RBFOX1: variants seen among roughly 807,000 people sequenced by gnomAD.
RBFOX1 encodes the protein RNA binding protein fox-1 homolog 1.
Under a neutral mutation model 57.7 loss-of-function variants are expected in RBFOX1, and 8 were observed. The ratio of observed to expected loss-of-function variants is 0.14; its 90% CI spans 0.08 to 0.25. The LOEUF is 0.25. RBFOX1 is among the 10% of genes least tolerant of loss of function. The probability of loss-of-function intolerance (pLI) is 1.00; values close to 1 mark genes in which losing one functional copy is unlikely to be tolerated. For synonymous variants in RBFOX1, 326 were observed against 222.4 expected (o/e 1.47, Z -4.15); for missense variants, 611 against 548.5 (o/e 1.11, Z -1.14).
At chr16:7,228,437 C>T (rs2093288111) in intron 4 of RBFOX1, among the ~76,000 whole-genome samples, 1 of 152,152 alleles carries the variant, frequency 6.6e-6, no homozygotes, top group Non-Finnish European at 1.5e-5. Flanking sequence ...CTCTCTTAAT[C>T]AGAGTACCTA....
chr16:6,716,098 G>C (rs1216379823), intron 3 of RBFOX1, among the ~76,000 whole-genome samples: 1 of 152,186 alleles, frequency 6.6e-6, no homozygotes, highest in East Asian at 1.9e-4. Flanking sequence ...TGTGTTTTTG[G>C]AATTAGATTG....
At chr16:5,916,896 G>A (rs1254249162) in intron 4 of RBFOX1, among the ~76,000 whole-genome samples, 1 of 152,152 alleles carries the variant, frequency 6.6e-6, no homozygotes, top group Non-Finnish European at 1.5e-5. Context: ...CAATGCCTGG[G>A]TGACTCCTGC....
intron 3 of RBFOX1, among the ~76,000 whole-genome samples, chr16:5,759,648 T>G (rs1472962341): frequency 1.3e-5 from 2 of 152,150 alleles, no homozygotes; most frequent in African/African-American, 4.8e-5. Context: ...AGCAAAGCTC[T>G]CATGCTGATC....
chr16:7,490,305 C>T (rs770940777), intron 4 of RBFOX1, among the ~76,000 whole-genome samples: 1 of 152,220 alleles, frequency 6.6e-6, no homozygotes, highest in Non-Finnish European at 1.5e-5. Context: ...GATCTTGGAG[C>T]TGCTAGCTCT....
intron 4 of RBFOX1, among the ~76,000 whole-genome samples, chr16:5,893,160 C>G (rs189766984): frequency 1.3e-5 from 2 of 152,258 alleles, no homozygotes; most frequent in East Asian, 1.9e-4. Flanking sequence ...AATTACTTAC[C>G]GTGGAATTCA....
chr16:5,390,809 G>A (rs1311900959), intron 1 of RBFOX1, among the ~76,000 whole-genome samples: 1 of 152,102 alleles, frequency 6.6e-6, no homozygotes, highest in African/African-American at 2.4e-5. Context: ...TCTCCTCACT[G>A]GGCTTGAAGG....
chr16:6,033,343 T>C (rs571337285), intron 1 of RBFOX1, among the ~76,000 whole-genome samples: 1 of 152,364 alleles, frequency 6.6e-6, no homozygotes, highest in Non-Finnish European at 1.5e-5. Flanking sequence ...TTTGATTAAA[T>C]GGTACAATAT....
intron 2 of RBFOX1, among the ~76,000 whole-genome samples, chr16:6,403,126 C>A (rs564578959): frequency 1.3e-5 from 2 of 151,730 alleles, no homozygotes; most frequent in African/African-American, 4.8e-5. Flanking sequence ...TGATCTTTCA[C>A]TGTGGGTGCT....
Position 6,863,080 on chromosome 16 carries a change from G to C in RBFOX1, c.-15-188977G>C, listed in dbSNP as rs2059298676. On this transcript the variant is annotated intron_variant, in intron 3 of 15. Coordinates refer to ENST00000550418, the MANE Select transcript of RBFOX1 (RefSeq NM_018723.4). ...GTACATTATTCTATGATGTATGGTG[G>C]AGAACAGTGGAAGGATTTTTACAGA... Among the ~76,000 whole-genome samples the C allele has an allele frequency of 2.6e-5, 4 of 152,096 alleles. No homozygotes were observed. The South Asian group carries it at 8.3e-4, about 32-fold the overall frequency.
chr16:6,108,946 T>A (rs1481518795), intron 1 of RBFOX1, among the ~76,000 whole-genome samples: 1 of 152,190 alleles, frequency 6.6e-6, no homozygotes, highest in Non-Finnish European at 1.5e-5. Flanking sequence ...GATCATTAAT[T>A]GAATCTCATC....
chr16:7,149,249 G>A (rs915543058), intron 4 of RBFOX1, among the ~76,000 whole-genome samples: 1 of 152,062 alleles, frequency 6.6e-6, no homozygotes, highest in African/African-American at 2.4e-5. Flanking sequence ...TGATCTGGTG[G>A]AAGAGAGAGT....
At chr16:7,228,844 G>C (rs932980891) in intron 4 of RBFOX1, among the ~76,000 whole-genome samples, 3 of 152,186 alleles carry the variant, frequency 2.0e-5, no homozygotes, top group African/African-American at 7.2e-5. Flanking sequence ...ACGTTCACTT[G>C]AAAATGAAAA....
At chr16:5,885,852 G>C (rs1406414052) in intron 4 of RBFOX1, among the ~76,000 whole-genome samples, 1 of 152,076 alleles carries the variant, frequency 6.6e-6, no homozygotes, top group African/African-American at 2.4e-5. Context: ...CTACTAGCTG[G>C]GTTACTGATA....
At chr16:5,469,194 G>A (rs1263091775) in intron 2 of RBFOX1, among the ~76,000 whole-genome samples, 1 of 152,168 alleles carries the variant, frequency 6.6e-6, no homozygotes. Flanking sequence ...GCTGCCTTCA[G>A]GCATTTTGCA....
At chr16:7,127,010 C>CACAA (rs71408501) in intron 4 of RBFOX1, among the ~76,000 whole-genome samples, 1 of 129,204 alleles carries the variant, frequency 7.7e-6, no homozygotes, top group Non-Finnish European at 1.6e-5. Context: ...GAATCCGTCT[C>CACAA]AAAAAAAAAA....
At chr16:5,992,046 A>G (rs1321312701) in intron 4 of RBFOX1, among the ~76,000 whole-genome samples, 3 of 152,194 alleles carry the variant, frequency 2.0e-5, no homozygotes, top group African/African-American at 7.2e-5. Flanking sequence ...ACACAAAGTT[A>G]TGGGCTGAGC....
At chr16:5,613,076 T>C (rs1374374389) in intron 3 of RBFOX1, among the ~76,000 whole-genome samples, 1 of 152,180 alleles carries the variant, frequency 6.6e-6, no homozygotes. Flanking sequence ...TGATGGGTTT[T>C]CAAGGAGGTG....
chr16:6,998,932 G>A (rs915500596), intron 3 of RBFOX1, among the ~76,000 whole-genome samples: 4 of 151,592 alleles, frequency 2.6e-5, no homozygotes, highest in South Asian at 4.2e-4. Context: ...GCAGTGGCAC[G>A]ATCTAGGCTC....
intron 4 of RBFOX1, among the ~76,000 whole-genome samples, chr16:5,873,031 G>A (rs376412225): frequency 6.6e-6 from 1 of 151,956 alleles, no homozygotes; most frequent in African/African-American, 2.4e-5. Flanking sequence ...CGCACCTGTA[G>A]TCCTAGCTAC....
Sources: allele counts gnomAD v4.1 joint callset (sites outside exome capture counted in the v4.1 genomes callset), GRCh38; gene constraint gnomAD v4.1.1; transcripts MANE v1.5; gene names NCBI Gene and HGNC (gene_info 2026-07-23, HGNC 2026-07-21).